The following CHRM2 variants were observed in gnomAD, a reference collection of about 807,000 sequenced individuals.
The protein encoded by CHRM2 is muscarinic acetylcholine receptor M2.
Under a neutral mutation model 25.0 loss-of-function variants are expected in CHRM2, and 8 were observed. That is an observed-to-expected ratio of 0.32 (90% confidence interval 0.19 to 0.58). The LOEUF is 0.58. Among genes scored for constraint, CHRM2 ranks in the 20% least tolerant of loss-of-function variants. CHRM2 has a pLI of 0.88. For synonymous variants in CHRM2, 202 were observed against 205.7 expected (o/e 0.98, Z 0.15); for missense variants, 440 against 567.1 (o/e 0.78, Z 2.28).
intron 2 of CHRM2, among the ~76,000 whole-genome samples, chr7:136,932,032 G>C (rs747464598): frequency 6.6e-6 from 1 of 152,228 alleles, no homozygotes; most frequent in East Asian, 1.9e-4. Flanking sequence ...AACTCTCTCT[G>C]TACCTATTTT....
At chr7:136,919,200 C>T (rs1007789489) in intron 2 of CHRM2, among the ~76,000 whole-genome samples, 3 of 152,056 alleles carry the variant, frequency 2.0e-5, no homozygotes, top group Non-Finnish European at 4.4e-5. Flanking sequence ...GAAGAAATGA[C>T]ATTCACAGTA....
At chr7:136,973,134 T>G (rs1214647495) in intron 2 of CHRM2, among the ~76,000 whole-genome samples, 1 of 65,150 alleles carries the variant, frequency 1.5e-5, no homozygotes, top group Non-Finnish European at 2.9e-5. Flanking sequence ...TGGTGGCAGG[T>G]GATGATGGTG....
chr7:136,871,788 T>A (rs1795851108), intron 2 of CHRM2: 1 of 152,168 alleles, frequency 6.6e-6, no homozygotes, highest in Non-Finnish European at 1.5e-5. Flanking sequence ...GTTCAGAAAG[T>A]GGACTTTTGA....
intron 2 of CHRM2, among the ~76,000 whole-genome samples, chr7:136,934,205 A>T (rs1386580738): frequency 6.6e-6 from 1 of 152,132 alleles, no homozygotes; most frequent in African/African-American, 2.4e-5. Flanking sequence ...TGTCAATACC[A>T]TTATTTTTCT....
At chr7:136,969,400 A>G (rs1801621481) in intron 2 of CHRM2, among the ~76,000 whole-genome samples, 1 of 152,134 alleles carries the variant, frequency 6.6e-6, no homozygotes, top group African/African-American at 2.4e-5. Context: ...GATTTGACCC[A>G]CTACTTTGCC....
At chr7:137,004,686 C>G (rs967843179) in intron 3 of CHRM2, among the ~76,000 whole-genome samples, 4 of 152,110 alleles carry the variant, frequency 2.6e-5, no homozygotes, top group African/African-American at 9.7e-5. Flanking sequence ...CCACATAAAC[C>G]TCTTCATTCT....
intron 3 of CHRM2, among the ~76,000 whole-genome samples, chr7:137,006,385 G>A (rs1332222241): frequency 6.6e-6 from 1 of 152,068 alleles, no homozygotes; most frequent in African/African-American, 2.4e-5. Flanking sequence ...CACTGTTTTT[G>A]GGTAAGTGGT....
At chr7:137,011,955 A>G (rs1804854345) in intron 3 of CHRM2, among the ~76,000 whole-genome samples, 1 of 152,056 alleles carries the variant, frequency 6.6e-6, no homozygotes, top group Non-Finnish European at 1.5e-5. Flanking sequence ...TTAGCAATTT[A>G]GATCCTCATC....
chr7:136,942,950 G>A (rs1020052539), intron 2 of CHRM2, among the ~76,000 whole-genome samples: 37 of 151,840 alleles, frequency 2.4e-4, no homozygotes, highest in Admixed American at 5.2e-4. Flanking sequence ...TAGGAATTGC[G>A]TATGGACTCA....
intron 2 of CHRM2, among the ~76,000 whole-genome samples, chr7:136,984,512 G>A (rs1388863270): frequency 6.6e-6 from 1 of 152,048 alleles, no homozygotes; most frequent in Non-Finnish European, 1.5e-5. Flanking sequence ...TCTGCAACTA[G>A]CCCAGTGTCT....
At chr7:136,983,360 T>C (rs940876936) in intron 2 of CHRM2, among the ~76,000 whole-genome samples, 1 of 152,198 alleles carries the variant, frequency 6.6e-6, no homozygotes, top group Admixed American at 6.5e-5. Flanking sequence ...CTTAGCTTCC[T>C]TGCATGGGGT....
chr7:136,869,463 G>A lies in CHRM2; in HGVS notation c.-125+45G>A, dbSNP rs970279254. On this transcript the variant is annotated intron_variant, in intron 2 of 3. Transcript: ENST00000680005. This position sits in a 1 kb window ranked among gnomAD's most constrained non-coding sequence, Gnocchi z 4.9. The stretch of plus-strand genomic sequence containing the variant: ...CAGCTCTCCGCTTACCCACTCCAAG[G>A]GCCCTGGCACCAGGGGGTCTCTCCC... 1 of 152,202 alleles carries A rather than the reference G, an allele frequency of 6.6e-6. No homozygotes were observed. Among genetic ancestry groups the A allele is most frequent in the Admixed American group, 6.5e-5 (1 of 15,288 alleles). 9.4% of individuals were successfully genotyped at this position (152,202 alleles called of 1,614,324 possible).
intron 2 of CHRM2, among the ~76,000 whole-genome samples, chr7:136,972,549 A>G (rs1323579376): frequency 1.3e-5 from 2 of 152,024 alleles, no homozygotes; most frequent in Non-Finnish European, 2.9e-5. Context: ...TTAATTTCTT[A>G]TGAAAGAAAA....
At chr7:136,888,766 T>C (rs552619817) in intron 2 of CHRM2, among the ~76,000 whole-genome samples, 2 of 152,216 alleles carry the variant, frequency 1.3e-5, no homozygotes, top group East Asian at 3.9e-4. Flanking sequence ...CAATTAAAAG[T>C]AATTACCAAT....
At chr7:136,968,327 G>C (rs1367061439) in intron 2 of CHRM2, among the ~76,000 whole-genome samples, 3 of 151,780 alleles carry the variant, frequency 2.0e-5, no homozygotes, top group Admixed American at 6.6e-5. Flanking sequence ...ACCCCAATAA[G>C]ATATCATCTG....
At chr7:136,989,009 T>C (rs1338108876) in intron 2 of CHRM2, among the ~76,000 whole-genome samples, 4 of 152,094 alleles carry the variant, frequency 2.6e-5, no homozygotes, top group African/African-American at 7.2e-5. Flanking sequence ...CCTATGAGGT[T>C]GGTGCCATTA....
chr7:136,926,207 CAGTA>C, intron 2 of CHRM2, among the ~76,000 whole-genome samples: 1 of 151,504 alleles, frequency 6.6e-6, no homozygotes, highest in East Asian at 1.9e-4. Context: ...TCCAGACTGA[CAGTA>C]AGACAGAGTA....
chr7:136,975,667 T>C (rs1802059380), intron 2 of CHRM2, among the ~76,000 whole-genome samples: 1 of 152,240 alleles, frequency 6.6e-6, no homozygotes. Flanking sequence ...GGACAGATAT[T>C]TGCCACTTTA....
intron 2 of CHRM2, among the ~76,000 whole-genome samples, chr7:136,947,045 C>G (rs954908232): frequency 1.2e-4 from 18 of 152,230 alleles, no homozygotes; most frequent in Admixed American, 7.2e-4. Flanking sequence ...CAGATAAAAT[C>G]CTCCATTTTA....
Sources: allele counts gnomAD v4.1 joint callset (sites outside exome capture counted in the v4.1 genomes callset), GRCh38; gene constraint gnomAD v4.1.1; non-coding constraint Gnocchi (gnomAD v3.1); transcripts MANE v1.5; gene names NCBI Gene and HGNC (gene_info 2026-07-23, HGNC 2026-07-21).